RPS8: variants seen among roughly 807,000 people sequenced by gnomAD.
RPS8 encodes the protein small ribosomal subunit protein eS8.
For synonymous variants in RPS8, 100 were observed against 100.7 expected (o/e 0.99, Z 0.04); for missense variants, 141 against 269.7 (o/e 0.52, Z 3.34).
chr1:44,776,354 C>A (rs1407810003), intron 2 of RPS8: 10 of 678,514 alleles, frequency 1.5e-5, no homozygotes, highest in Non-Finnish European at 2.4e-5. Context: ...CTTAGGATTT[C>A]AGAGAGAAGG....
At chr1:44,777,267 C>T (rs1650890719) in intron 3 of RPS8, 1 of 237,728 alleles carries the variant, frequency 4.2e-6, no homozygotes, top group Non-Finnish European at 8.3e-6. Context: ...GACGGGGTTT[C>T]ACCATGTTGG....
In RPS8 at chr1:44,777,974, C is replaced by T. The variant is rs759838493; in HGVS notation, c.388-26C>T. 5.0e-6 allele frequency: 8 copies of T among 1,613,032 alleles called. No individual in the cohort carries two copies. The East Asian group carries it at 1.8e-4, about 36-fold the overall frequency. On this transcript the variant is annotated intron_variant, in intron 4 of 5. Coordinates refer to ENST00000396651, the MANE Select transcript of RPS8 (RefSeq NM_001012.2). ...CCAGGGCCTGCCTTCCTTCCCTGAG[C>T]TCATATATTTGTATCCCCTTTTCAG...
chr1:44,776,003 C>G (rs756398106), intron 1 of RPS8, 31 bp from the exon 2 acceptor site: 1 of 1,604,448 alleles, frequency 6.2e-7, no homozygotes, highest in Admixed American at 1.7e-5. Flanking sequence ...GTCACAGTGG[C>G]TCAAGCTTCC....
rs74070602 is a variant in RPS8 at position 44,775,596 on chromosome 1, G to A, written c.-1G>A. 2 of 1,614,170 alleles carry A rather than the reference G, an allele frequency of 1.2e-6. No homozygotes were observed. The highest frequency in any genetic ancestry group is 1.7e-6 in the Non-Finnish European group (2 of 1,180,000). On this transcript the variant is annotated 5_prime_UTR_variant, in exon 1 of 6. Transcript: ENST00000396651. ...TTTCTCTTTCCAGCCAGCGCCGAGC[G>A]ATGGGTGAGTGTCGCTCTGCATTGA...
intron 1 of RPS8, 152 bp downstream of exon 1, chr1:44,775,752 C>G (rs1335665296): frequency 1.8e-6 from 2 of 1,089,492 alleles, no homozygotes; most frequent in Admixed American, 1.8e-5. Context: ...GGCCGCCCAG[C>G]CCGTCTCTGG....
At position 44,776,754 on chromosome 1, in the gene RPS8, A is replaced by G; in HGVS notation, c.191A>G (p.Asn64Ser). 6.2e-7 allele frequency: 1 copy of G among 1,610,954 alleles called. No individual in the cohort carries two copies. The highest frequency in any genetic ancestry group is 8.5e-7 in the Non-Finnish European group (1 of 1,178,890). The change falls in exon 3 of 6, where the codon AAT (asparagine) becomes AGT (serine). Residue 64 changes from asparagine to serine, a missense_variant. Coordinates refer to ENST00000396651, the MANE Select transcript of RPS8 (RefSeq NM_001012.2). ...CGTGCCCTGAGGTTGGACGTGGGGA[A>G]TTTCTCCTGGGGCTCAGAGTGTGAG... is the stretch of plus-strand genomic sequence containing the variant. ...KYRALRLDVG[N>S]FSWGSECCTR...
intron 3 of RPS8, 141 bp from the exon 4 acceptor site, chr1:44,777,467 GGAAGAC>G: frequency 1.5e-6 from 1 of 671,828 alleles, no homozygotes; most frequent in Non-Finnish European, 2.6e-6. Flanking sequence ...AGGGGGTTGT[GGAAGAC>G]GAACTGATGC....
chr1:44,776,816 A>C, intron 3 of RPS8, 42 bp downstream of exon 3: 1 of 1,465,446 alleles, frequency 6.8e-7, no homozygotes, highest in Non-Finnish European at 9.4e-7. Context: ...AACGCACCTA[A>C]ACGGTCTTAA....
At chr1:44,778,447 T>A in intron 5 of RPS8, 129 bp from the exon 6 acceptor site, 1 of 833,882 alleles carries the variant, frequency 1.2e-6, no homozygotes, top group Non-Finnish European at 2.1e-6. Flanking sequence ...AGATAAAGTG[T>A]GTCTGAGGAG....
intron 3 of RPS8, 112 bp from the exon 4 acceptor site, chr1:44,777,502 T>TGA: frequency 1.2e-6 from 1 of 847,348 alleles, no homozygotes; most frequent in East Asian, 2.5e-5. Context: ...TTGTAAAGGC[T>TGA]GAGAGTTCCC....
chr1:44,776,850 G>T (rs373596125), intron 3 of RPS8, 76 bp downstream of exon 3: 1 of 1,124,154 alleles, frequency 8.9e-7, no homozygotes, highest in Non-Finnish European at 1.3e-6. Flanking sequence ...GGCCTGGCGC[G>T]GTGGCTCACG....
intron 3 of RPS8, chr1:44,776,989 C>T (rs1181278390): frequency 4.1e-6 from 2 of 488,524 alleles, no homozygotes; most frequent in Non-Finnish European, 7.2e-6. Flanking sequence ...AGCAAGTAGT[C>T]TGTGGCTTAG....
At chr1:44,775,956 C>A in intron 1 of RPS8, 78 bp from the exon 2 acceptor site, 1 of 1,364,578 alleles carries the variant, frequency 7.3e-7, no homozygotes. Flanking sequence ...CGGCCCGGCG[C>A]GGGGGTCTCC....
chr1:44,776,748 T>C lies in RPS8; in HGVS notation c.185T>C (p.Val62Ala). Reference protein sequence around the residue: ...NKKYRALRLDVGNFSWGSECC... With the variant: ...NKKYRALRLDAGNFSWGSECC... Reference sequence around the variant, plus strand: ...AAATACCGTGCCCTGAGGTTGGACGTGGGGAATTTCTCCTGGGGCTCAGAG... The same window carrying C: ...AAATACCGTGCCCTGAGGTTGGACGCGGGGAATTTCTCCTGGGGCTCAGAG... The change falls in exon 3 of 6, where the codon GTG (valine) becomes GCG (alanine). Residue 62 changes from valine to alanine, a missense_variant. Physicochemically the swap from Val to Ala is moderately conservative, Grantham distance 64. Transcript: ENST00000396651. 1 of 1,610,932 alleles carries C rather than the reference T, an allele frequency of 6.2e-7. No individual in the cohort carries two copies. The highest frequency in any genetic ancestry group is 1.7e-4 in the Middle Eastern group (1 of 6,030).
chr1:44,778,772 C>T lies in RPS8; in HGVS notation c.*87C>T. ...TTGCCTGAATATATGACTGTTTTCT[C>T]TGCTTTATTTCCTTGCCCTGCAAAA... On this transcript the variant is annotated 3_prime_UTR_variant, in exon 6 of 6. Coordinates refer to ENST00000396651, the MANE Select transcript of RPS8 (RefSeq NM_001012.2). 2.1e-6 allele frequency: 2 copies of T among 971,770 alleles called. No individual in the cohort carries two copies. Among genetic ancestry groups the T allele is most frequent in the African/African-American group, 1.6e-5 (1 of 61,296 alleles). 60.2% of individuals were successfully genotyped at this position (971,770 alleles called of 1,614,324 possible).
At chr1:44,776,201 T>C (rs1320239084) in intron 2 of RPS8, 61 bp downstream of exon 2, 96 of 1,236,000 alleles carry the variant, frequency 7.8e-5, no homozygotes, top group Non-Finnish European at 1.1e-4. Flanking sequence ...TCCAGCGTGC[T>C]CGGGTCTTTC....
At position 44,777,600 on chromosome 1, in the gene RPS8, T is replaced by C. The variant is rs772400203; in HGVS notation, c.212-14T>C. ...CCTCCAGTTTACTTGATGCCAAATT[T>C]CTCCTGTGAGCAGGTTGTACTCGTA... On this transcript the variant is annotated splice_polypyrimidine_tract_variant and intron_variant, in intron 3 of 5. Coordinates refer to ENST00000396651, the MANE Select transcript of RPS8 (RefSeq NM_001012.2). The C allele has an allele frequency of 9.9e-6, 16 of 1,608,256 alleles. No homozygotes were observed. The highest frequency in any genetic ancestry group is 1.1e-5 in the Non-Finnish European group (13 of 1,175,752).
At position 44,778,043 on chromosome 1, in the gene RPS8, A is replaced by G; in HGVS notation, c.431A>G (p.Lys144Arg). 4 of 1,613,784 alleles carry G rather than the reference A, an allele frequency of 2.5e-6. No homozygotes were observed. In the South Asian group the frequency reaches 4.4e-5, roughly 18 times the overall value. The change falls in exon 5 of 6, where the codon AAA (lysine) becomes AGA (arginine). Residue 144 changes from lysine (K) to arginine (R), a missense_variant. By Grantham distance (26) the Lys-to-Arg change is conservative. Coordinates refer to ENST00000396651, the MANE Select transcript of RPS8 (RefSeq NM_001012.2). Reference sequence around the variant, plus strand: ...ATTTTAAACAAAAAACGATCTAAAAAAATTCAGAAGAAATATGATGAAAGG... The same window carrying G: ...ATTTTAAACAAAAAACGATCTAAAAGAATTCAGAAGAAATATGATGAAAGG... ...EEILNKKRSK[K>R]IQKKYDERKK...
At chr1:44,776,224 G>A in intron 2 of RPS8, 84 bp downstream of exon 2, 1 of 984,484 alleles carries the variant, frequency 1.0e-6, no homozygotes, top group East Asian at 2.6e-5. Flanking sequence ...TGTGACAGTT[G>A]TGCGTTCTTT....
Sources: gnomAD v4.1 joint callset for allele counts on GRCh38, gnomAD v4.1.1 for gene constraint, MANE v1.5 for transcripts, NCBI Gene and HGNC (gene_info 2026-07-23, HGNC 2026-07-21) for gene names.